SRSF11: variants seen among roughly 807,000 people sequenced by gnomAD.
SRSF11 encodes serine and arginine rich splicing factor 11.
SRSF11 carries 9 observed loss-of-function variants against 56.0 expected under a neutral mutation model. That is an observed-to-expected ratio of 0.16 (90% CI 0.10 to 0.28). The LOEUF (loss-of-function observed/expected upper bound fraction) is 0.28, where lower values mean the gene tolerates loss of function less well. Among genes scored for constraint, SRSF11 ranks in the 10% least tolerant of loss-of-function variants. The pLI is 1.00. For synonymous variants in SRSF11, 222 were observed against 215.3 expected, an observed-to-expected ratio of 1.03 and a Z score of -0.27; for missense variants, 421 against 600.7, an observed-to-expected ratio of 0.70 and a Z score of 3.13.
chr1:70,237,026 A>C (rs1194343708), intron 5 of SRSF11, among the ~76,000 whole-genome samples: 2 of 151,898 alleles, frequency 1.3e-5, no homozygotes, highest in Non-Finnish European at 2.9e-5. Flanking sequence ...TGACCTCGTG[A>C]TCCACCTGCC....
upstream of SRSF11, among the ~76,000 whole-genome samples, chr1:70,217,961 GTTTTTTTTGTT>G (rs769038236): frequency 1.4e-5 from 2 of 147,416 alleles, no homozygotes; most frequent in Non-Finnish European, 3.0e-5. Flanking sequence ...ACAGGGGTGG[GTTTTTTTTGTT>G]TGTTTTTTGT....
At chr1:70,212,515 C>T (rs1346771051) in intron 1 of SRSF11, among the ~76,000 whole-genome samples, 2 of 152,134 alleles carry the variant, frequency 1.3e-5, no homozygotes. Flanking sequence ...CCTTGGCCTC[C>T]CAAAGTGCTG....
At chr1:70,224,252 A>C (rs866848790) in intron 1 of SRSF11, among the ~76,000 whole-genome samples, 1 of 152,098 alleles carries the variant, frequency 6.6e-6, no homozygotes, top group African/African-American at 2.4e-5. Flanking sequence ...CTGAGGGAAA[A>C]CTATATGATT....
At chr1:70,233,499 C>G (rs946695981) in intron 3 of SRSF11, among the ~76,000 whole-genome samples, 1 of 152,212 alleles carries the variant, frequency 6.6e-6, no homozygotes, top group African/African-American at 2.4e-5. Context: ...CTTGGCCTCC[C>G]AAAGTGCTGG....
chr1:70,208,096 G>A (rs939495655), intron 1 of SRSF11, among the ~76,000 whole-genome samples: 20 of 152,056 alleles, frequency 1.3e-4, no homozygotes, highest in African/African-American at 4.6e-4. Flanking sequence ...AAAAATAACA[G>A]CAAGGTATAA....
chr1:70,250,074 T>C (rs1677656523), intron 10 of SRSF11, 27 bp downstream of exon 10: 1 of 1,569,840 alleles, frequency 6.4e-7, no homozygotes, highest in Non-Finnish European at 8.7e-7. Flanking sequence ...TTTAAATGTA[T>C]TTTTTATATT....
chr1:70,207,174 C>A (rs996866915), intron 1 of SRSF11, among the ~76,000 whole-genome samples: 2 of 152,000 alleles, frequency 1.3e-5, no homozygotes, highest in African/African-American at 4.8e-5. Flanking sequence ...TTACAGGTGT[C>A]AGTCGCCGTG....
Position 70,221,568 on chromosome 1 carries a change from T to TC in SRSF11, c.-64dup. 3 of 1,534,562 alleles carry TC rather than the reference T, an allele frequency of 2.0e-6. No individual in the cohort carries two copies. The highest frequency in any genetic ancestry group is 2.6e-6 in the Non-Finnish European group (3 of 1,139,110). On this transcript the variant is annotated 5_prime_UTR_variant, in exon 1 of 12. Transcript: ENST00000370949. ...CTCTCTCCCGCAATCCGGTTCCTCT[T>TC]CCCCCTCCTTCTCACTGTTTGTTGT... is the stretch of plus-strand genomic sequence containing the variant.
rs748467418 is a variant in SRSF11 at position 70,250,527 on chromosome 1, T to G, written c.1257+24T>G. 1.9e-6 allele frequency: 3 copies of G among 1,607,016 alleles called. No homozygotes were observed. The African/African-American group carries it at 4.0e-5, about 22-fold the overall frequency. On this transcript the variant is annotated intron_variant, in intron 11 of 11. Transcript: ENST00000370949. ...AAGTATGTTTACAAATTGATTTATT[T>G]TTATATTTGGGGTGATGTTGGTACT...
intron 8 of SRSF11, among the ~76,000 whole-genome samples, chr1:70,246,437 C>T (rs1031892491): frequency 6.6e-6 from 1 of 152,106 alleles, no homozygotes; most frequent in East Asian, 1.9e-4. Context: ...TGGTAGTGCT[C>T]TATGGGTTTT....
In SRSF11 at chr1:70,229,955, C is replaced by A. The variant is rs185397472; in HGVS notation, c.337+1400C>A. The A allele has an allele frequency of 6.1e-6, 6 of 985,118 alleles. No individual in the cohort carries two copies. In the Admixed American group the frequency reaches 3.1e-4, roughly 51 times the overall value. 61.0% of individuals were successfully genotyped at this position (985,118 alleles called of 1,614,324 possible). ...AAGCAATTTCTTTTATGTCAGTGTG[C>A]CTGTTGTAGGATAAGACCATCAACA... On this transcript the variant is annotated intron_variant, in intron 2 of 11. Coordinates refer to ENST00000370949, the MANE Select transcript of SRSF11 (RefSeq NM_001350605.2).
At chr1:70,232,223 G>C in intron 2 of SRSF11, 45 bp from the exon 3 acceptor site, 6 of 1,614,002 alleles carry the variant, frequency 3.7e-6, no homozygotes, top group Non-Finnish European at 2.5e-6. Flanking sequence ...TGTGTTTTCT[G>C]TCTTAGAAAA....
In SRSF11 at chr1:70,228,469, A is replaced by G. The variant is rs767079452; in HGVS notation, c.251A>G (p.His84Arg). Residue 84 changes from histidine (H) to arginine (R), a missense_variant, in exon 2 of 12, where the codon CAT becomes CGT. His to Arg is a conservative substitution (Grantham distance 29, BLOSUM62 0). Transcript: ENST00000370949. The stretch of plus-strand genomic sequence containing the variant: ...TCTCGTGTCTGCTTTGTTAAGTTCC[A>G]TGATCCAGACTCAGCAGTTGTGGCA... ...VSSRVCFVKF[H>R]DPDSAVVAQH... 9.3e-6 allele frequency: 15 copies of G among 1,613,184 alleles called. No homozygotes were observed. Among genetic ancestry groups the G allele is most frequent in the Non-Finnish European group, 1.2e-5 (14 of 1,179,534 alleles).
intron 7 of SRSF11, among the ~76,000 whole-genome samples, chr1:70,240,905 T>C (rs183587901): frequency 2.0e-3 from 306 of 152,034 alleles, no homozygotes; most frequent in African/African-American, 7.0e-3. Flanking sequence ...CCCGAATAGC[T>C]GGGATTACAG....
upstream of SRSF11, chr1:70,218,733 A>G (rs1203608106): frequency 6.6e-6 from 1 of 152,210 alleles, no homozygotes; most frequent in African/African-American, 2.4e-5. Context: ...ACTATTAAGT[A>G]TCTGTAACTG....
intron 7 of SRSF11, among the ~76,000 whole-genome samples, chr1:70,243,364 A>C (rs996513013): frequency 2.7e-4 from 38 of 141,078 alleles, no homozygotes; most frequent in South Asian, 2.2e-4. Flanking sequence ...AAAAAAAAAA[A>C]AAAAAAAAAC....
chr1:70,234,677 A>G lies in SRSF11; in HGVS notation c.448-19A>G. On this transcript the variant is annotated intron_variant, in intron 3 of 11. Coordinates refer to ENST00000370949, the MANE Select transcript of SRSF11 (RefSeq NM_001350605.2). The stretch of plus-strand genomic sequence containing the variant: ...AACTGAAATGAAGTTTTAAATAAAT[A>G]AAATTTGCCATTTCACAGATTGGCG... The G allele has an allele frequency of 1.3e-6, 2 of 1,577,074 alleles. No homozygotes were observed. Among genetic ancestry groups the G allele is most frequent in the Non-Finnish European group, 1.7e-6 (2 of 1,165,344 alleles).
intron 1 of SRSF11, among the ~76,000 whole-genome samples, chr1:70,209,696 G>A (rs917836386): frequency 1.5e-5 from 2 of 131,762 alleles, no homozygotes; most frequent in Admixed American, 1.6e-4. Flanking sequence ...AGAGATCCTC[G>A]CATCTCAGCC....
At chr1:70,229,387 G>A in intron 2 of SRSF11, 1 of 1,092,566 alleles carries the variant, frequency 9.2e-7, no homozygotes, top group Non-Finnish European at 1.1e-6. Flanking sequence ...GGCTGTTAAA[G>A]TAATTTGACA....
Sources: allele counts gnomAD v4.1 joint callset (sites outside exome capture counted in the v4.1 genomes callset), GRCh38; gene constraint gnomAD v4.1.1; transcripts MANE v1.5; gene names NCBI Gene and HGNC (gene_info 2026-07-23, HGNC 2026-07-21).